MED29: variants seen among roughly 807,000 people sequenced by gnomAD.
MED29 encodes the protein mediator of RNA polymerase II transcription subunit 29.
Under a neutral mutation model 22.0 loss-of-function variants are expected in MED29, and 14 were observed. The observed-to-expected ratio is 0.64, with a 90% confidence interval of 0.42 to 0.99. The LOEUF is 0.99. MED29 is among the 50% of genes least tolerant of loss of function. MED29 has a pLI of 0.00. For synonymous variants in MED29, 123 were observed against 107.8 expected (o/e 1.14, Z -0.87); for missense variants, 241 against 253.7 (o/e 0.95, Z 0.34).
At position 39,395,118 on chromosome 19, in the gene MED29, G is replaced by A. The variant is rs183699162; in HGVS notation, c.360+1481G>A. On this transcript the variant is annotated intron_variant, in intron 3 of 3. Coordinates refer to ENST00000315588, the MANE Select transcript of MED29 (RefSeq NM_017592.4). Reference sequence around the variant, plus strand: ...ATTCACCCACCTCAGCCTCCCAAGCGCTGGGATTACAGACCGCTGTGCCGG... The same window carrying A: ...ATTCACCCACCTCAGCCTCCCAAGCACTGGGATTACAGACCGCTGTGCCGG... Among the ~76,000 whole-genome samples, 23 of 152,286 alleles carry A rather than the reference G, an allele frequency of 1.5e-4. No individual in the cohort carries two copies. The East Asian group carries it at 3.3e-3, about 22-fold the overall frequency.
In MED29 at chr19:39,399,440, A is replaced by C. The variant is rs1484029360; in HGVS notation, c.*1741A>C. On this transcript the variant is annotated 3_prime_UTR_variant, in exon 4 of 4. Transcript: ENST00000315588. ...TCCCAGCTACTCGGGAGGCTGAGGCAGGAGAATCGTTTGAACCTGGGAGGC... is the reference window on the plus strand; with the variant it reads ...TCCCAGCTACTCGGGAGGCTGAGGCCGGAGAATCGTTTGAACCTGGGAGGC... 2 of 152,400 alleles carry C rather than the reference A, an allele frequency of 1.3e-5. No homozygotes were observed. The highest frequency in any genetic ancestry group is 4.8e-5 in the African/African-American group (2 of 41,576). The allele number at this position is 152,400 out of a possible 1,614,324, so 9.4% of individuals were successfully genotyped here.
chr19:39,399,603 T>A lies in MED29; in HGVS notation c.*1904T>A, dbSNP rs1458692319. On this transcript the variant is annotated 3_prime_UTR_variant, in exon 4 of 4. Transcript: ENST00000315588. ...CCCTCACACATCTCCTTAACCACAC[T>A]TAATCTCCAAATAAGTACGATAACA... 2 of 152,280 alleles carry A rather than the reference T, an allele frequency of 1.3e-5. No individual in the cohort carries two copies. Among genetic ancestry groups the A allele is most frequent in the African/African-American group, 4.8e-5 (2 of 41,438 alleles). 9.4% of individuals were successfully genotyped at this position (152,280 alleles called of 1,614,324 possible).
In MED29 at chr19:39,398,610, C is replaced by T. The variant is rs1048181624; in HGVS notation, c.*911C>T. Reference sequence around the variant, plus strand: ...CTGAGCCCCAGCTCCGGGAAGCAGGCACTGGGGAGGGGGCTTCAAGGAGGG... The same window carrying T: ...CTGAGCCCCAGCTCCGGGAAGCAGGTACTGGGGAGGGGGCTTCAAGGAGGG... On this transcript the variant is annotated 3_prime_UTR_variant, in exon 4 of 4. Transcript: ENST00000315588. The T allele has an allele frequency of 6.6e-6, 1 of 152,620 alleles. No individual in the cohort carries two copies. Among genetic ancestry groups the T allele is most frequent in the Non-Finnish European group, 1.5e-5 (1 of 68,080 alleles). The allele number at this position is 152,620 out of a possible 1,614,324, so 9.5% of individuals were successfully genotyped here.
Position 39,397,868 on chromosome 19 carries a change from T to G in MED29, c.*169T>G. ...ACAGGGAGCTCGCAGGCCGGGCCCC[T>G]GCGTCCCTGCCCCTTCTTCCTGCTC... is the stretch of plus-strand genomic sequence containing the variant. On this transcript the variant is annotated 3_prime_UTR_variant, in exon 4 of 4. Transcript: ENST00000315588. The G allele has an allele frequency of 1.8e-6, 2 of 1,125,994 alleles. No homozygotes were observed. The highest frequency in any genetic ancestry group is 5.2e-5 in the East Asian group (2 of 38,576). The allele number at this position is 1,125,994 out of a possible 1,614,324, so 69.8% of individuals were successfully genotyped here. A position where few individuals can be genotyped will look rare whatever the true frequency, so the allele number is the denominator to read the frequency against.
chr19:39,398,044 G>C lies in MED29; in HGVS notation c.*345G>C, dbSNP rs184069073. 2.7e-5 allele frequency: 14 copies of C among 518,496 alleles called. No individual in the cohort carries two copies. The highest frequency in any genetic ancestry group is 4.8e-5 in the Non-Finnish European group (14 of 290,650). The allele number at this position is 518,496 out of a possible 1,614,324, so 32.1% of individuals were successfully genotyped here. A position where few individuals can be genotyped will look rare whatever the true frequency, so the allele number is the denominator to read the frequency against. Reference sequence around the variant, plus strand: ...TGTCTCCAGCTGGGAGGTGGTCTCTGTGTGCCACTCCTCTGTGTCTCTATT... The same window carrying C: ...TGTCTCCAGCTGGGAGGTGGTCTCTCTGTGCCACTCCTCTGTGTCTCTATT... On this transcript the variant is annotated 3_prime_UTR_variant, in exon 4 of 4. Coordinates refer to ENST00000315588, the MANE Select transcript of MED29 (RefSeq NM_017592.4).
In MED29 at chr19:39,391,657, C is replaced by A; in HGVS notation, c.216+19C>A. On this transcript the variant is annotated intron_variant, in intron 1 of 3. Transcript: ENST00000315588. Reference sequence around the variant, plus strand: ...TCTACAGGTGATTGGCCTTAAGCAGCGAGAAGCAAACTGGATTTGGTAGTC... The same window carrying A: ...TCTACAGGTGATTGGCCTTAAGCAGAGAGAAGCAAACTGGATTTGGTAGTC... The A allele has an allele frequency of 6.4e-7, 1 of 1,554,456 alleles. No homozygotes were observed. The highest frequency in any genetic ancestry group is 8.7e-7 in the Non-Finnish European group (1 of 1,149,488).
chr19:39,394,744 A>C (rs926176409), intron 3 of MED29, among the ~76,000 whole-genome samples: 1 of 150,290 alleles, frequency 6.7e-6, no homozygotes, highest in African/African-American at 2.5e-5. Context: ...TTGTATTTTT[A>C]GTAGAGATGG....
Position 39,400,370 on chromosome 19 carries a change from T to G in MED29, c.*2671T>G, listed in dbSNP as rs1378275475. 1 of 152,140 alleles carries G rather than the reference T, an allele frequency of 6.6e-6. No homozygotes were observed. The highest frequency in any genetic ancestry group is 1.5e-5 in the Non-Finnish European group (1 of 68,012). The allele number at this position is 152,140 out of a possible 1,614,324, so 9.4% of individuals were successfully genotyped here. ...ACTCCAGCTTGGTTCATGGAGACCC[T>G]GTTTTTTTAAAAAAAGAAGTGGAGG... On this transcript the variant is annotated 3_prime_UTR_variant, in exon 4 of 4. Coordinates refer to ENST00000315588, the MANE Select transcript of MED29 (RefSeq NM_017592.4).
At chr19:39,392,294 G>A (rs1329462948) in intron 1 of MED29, among the ~76,000 whole-genome samples, 170 bp from the exon 2 acceptor site, 1 of 152,130 alleles carries the variant, frequency 6.6e-6, no homozygotes, top group Non-Finnish European at 1.5e-5. Flanking sequence ...AGGATGGAGT[G>A]GTGACAGCTA....
In MED29 at chr19:39,398,379, G is replaced by A. The variant is rs1690888980; in HGVS notation, c.*680G>A. 6.5e-6 allele frequency: 1 copy of A among 153,056 alleles called. No individual in the cohort carries two copies. Among genetic ancestry groups the A allele is most frequent in the Non-Finnish European group, 1.5e-5 (1 of 68,328 alleles). The allele number at this position is 153,056 out of a possible 1,614,324, so 9.5% of individuals were successfully genotyped here. A position where few individuals can be genotyped will look rare whatever the true frequency, so the allele number is the denominator to read the frequency against. ...AGGAGAGGAGCAGTGGAGGGGCCCA[G>A]GCTCTGAGCTCCACAGGTCTGAGCA... On this transcript the variant is annotated 3_prime_UTR_variant, in exon 4 of 4. Coordinates refer to ENST00000315588, the MANE Select transcript of MED29 (RefSeq NM_017592.4).
Position 39,391,470 on chromosome 19 carries a change from T to A in MED29, c.48T>A (p.Gly16=). The part of the protein sequence containing the change: ...QQASAASSAA[G]VSGPSSAGGP... Reference sequence around the variant, plus strand: ...CTTCAGCGGCTTCCTCAGCTGCTGGTGTATCGGGTCCTAGTTCGGCTGGCG... The same window carrying A: ...CTTCAGCGGCTTCCTCAGCTGCTGGAGTATCGGGTCCTAGTTCGGCTGGCG... The change falls in exon 1 of 4, where the codon GGT becomes GGA. Residue 16 remains glycine (G), a synonymous_variant. Coordinates refer to ENST00000315588, the MANE Select transcript of MED29 (RefSeq NM_017592.4). The A allele has an allele frequency of 6.2e-7, 1 of 1,613,428 alleles. No homozygotes were observed.
In MED29 at chr19:39,394,324, C is replaced by T. The variant is rs528713972; in HGVS notation, c.360+687C>T. Among the ~76,000 whole-genome samples, 5 of 152,216 alleles carry T rather than the reference C, an allele frequency of 3.3e-5. No individual in the cohort carries two copies. In the South Asian group the frequency reaches 6.2e-4, roughly 19 times the overall value. ...TCACCCAGGCTGGAGTGCAGTGGCA[C>T]GATCTAGGCTCACTGCAATCTCCTC... is the stretch of plus-strand genomic sequence containing the variant. On this transcript the variant is annotated intron_variant, in intron 3 of 3. Transcript: ENST00000315588.
chr19:39,391,788 C>G (rs2078383238), intron 1 of MED29, 150 bp downstream of exon 1: 2 of 939,274 alleles, frequency 2.1e-6, no homozygotes, highest in Non-Finnish European at 3.0e-6. Context: ...GTTCCCAGCA[C>G]TTTGGGAGGC....
In MED29 at chr19:39,392,481, G is replaced by A. The variant is rs763945499; in HGVS notation, c.234G>A (p.Ala78=). The change falls in exon 2 of 4, where the codon GCG becomes GCA. Residue 78 remains alanine (A), a synonymous_variant. Transcript: ENST00000315588. ...KESLQTLMKV[A]AQNLIQNTNI... ...TTGACTAGACCTTGATGAAGGTTGC[G>A]GCCCAAAACTTGATTCAGAACACTA... 1.3e-5 allele frequency: 21 copies of A among 1,613,866 alleles called. No individual in the cohort carries two copies. The highest frequency in any genetic ancestry group is 6.7e-5 in the East Asian group (3 of 44,892).
At position 39,392,257 on chromosome 19, in the gene MED29, A is replaced by G. The variant is rs73547931; in HGVS notation, c.217-207A>G. On this transcript the variant is annotated intron_variant, in intron 1 of 3. Coordinates refer to ENST00000315588, the MANE Select transcript of MED29 (RefSeq NM_017592.4). ...GGAGGACCCTTAGGTTATTGGCGAG[A>G]AGCTCAGGTGAGAGCGGGCCTCTGG... 6.0e-3 allele frequency among the ~76,000 whole-genome samples: 913 copies of G among 152,222 alleles called. 10 individuals are homozygous for G. Among genetic ancestry groups the G allele is most frequent in the African/African-American group, 0.021 (870 of 41,516 alleles).
rs995383489 is a variant in MED29 at position 39,400,389 on chromosome 19, G to T, written c.*2690G>T. On this transcript the variant is annotated 3_prime_UTR_variant, in exon 4 of 4. Transcript: ENST00000315588. The stretch of plus-strand genomic sequence containing the variant: ...AGACCCTGTTTTTTTAAAAAAAGAA[G>T]TGGAGGTGTTTACACCAGCAAAATA... 1 of 152,146 alleles carries T rather than the reference G, an allele frequency of 6.6e-6. No individual in the cohort carries two copies. The highest frequency in any genetic ancestry group is 1.5e-5 in the Non-Finnish European group (1 of 68,014). 9.4% of individuals were successfully genotyped at this position (152,146 alleles called of 1,614,324 possible).
In MED29 at chr19:39,391,407, G is replaced by C. The variant is rs1600620305; in HGVS notation, c.-16G>C. 1.9e-6 allele frequency: 3 copies of C among 1,608,186 alleles called. No individual in the cohort carries two copies. The highest frequency in any genetic ancestry group is 1.7e-5 in the Admixed American group (1 of 59,810). ...GACGCAGTCGTAACGCACTTCCGGC[G>C]GTCTACGCGAGGAAGATGGCTGCAT... On this transcript the variant is annotated 5_prime_UTR_variant, in exon 1 of 4. Transcript: ENST00000315588.
intron 3 of MED29, 148 bp downstream of exon 3, chr19:39,393,785 C>T (rs2078413338): frequency 2.8e-6 from 2 of 707,094 alleles, no homozygotes; most frequent in Non-Finnish European, 5.0e-6. Flanking sequence ...CACAGGGTTG[C>T]TCTGATCCTT....
Position 39,397,861 on chromosome 19 carries a change from G to T in MED29, c.*162G>T, listed in dbSNP as rs745993783. 2 of 1,214,194 alleles carry T rather than the reference G, an allele frequency of 1.6e-6. No individual in the cohort carries two copies. The highest frequency in any genetic ancestry group is 2.6e-5 in the East Asian group (1 of 38,942). The allele number at this position is 1,214,194 out of a possible 1,614,324, so 75.2% of individuals were successfully genotyped here. On this transcript the variant is annotated 3_prime_UTR_variant, in exon 4 of 4. Coordinates refer to ENST00000315588, the MANE Select transcript of MED29 (RefSeq NM_017592.4). ...GAGGCCAACAGGGAGCTCGCAGGCC[G>T]GGCCCCTGCGTCCCTGCCCCTTCTT...
Sources: allele counts gnomAD v4.1 joint callset (sites outside exome capture counted in the v4.1 genomes callset), GRCh38; gene constraint gnomAD v4.1.1; transcripts MANE v1.5; gene names NCBI Gene and HGNC (gene_info 2026-07-23, HGNC 2026-07-21).